The following ZBTB7C variants were observed in gnomAD, a reference collection of about 807,000 sequenced individuals.
The protein encoded by ZBTB7C is zinc finger and BTB domain containing 7C.
ZBTB7C carries 8 observed loss-of-function variants against 25.7 expected under a neutral mutation model. That is an observed-to-expected ratio of 0.31 (90% CI 0.18 to 0.56). The LOEUF is 0.56. Ranked by LOEUF, ZBTB7C falls within the 20% of genes least tolerant of loss-of-function variation. ZBTB7C has a pLI of 0.91. For missense variants in ZBTB7C, 824 were observed against 855.2 expected, an observed-to-expected ratio of 0.96 and a Z score of 0.46; for synonymous variants, 394 against 369.0, an observed-to-expected ratio of 1.07 and a Z score of -0.78.
At chr18:48,088,437 A>C (rs993058251) in intron 3 of ZBTB7C, 1 of 152,212 alleles carries the variant, frequency 6.6e-6, no homozygotes, top group African/African-American at 2.4e-5. Context: ...AAAGAAACAA[A>C]AAAACACAAC....
At chr18:48,285,312 CT>C (rs1406116502) in intron 2 of ZBTB7C, among the ~76,000 whole-genome samples, 2 of 152,190 alleles carry the variant, frequency 1.3e-5, no homozygotes, top group Non-Finnish European at 2.9e-5. Context: ...TATTTTGAGG[CT>C]ATGTTGTTAG....
At chr18:48,206,863 T>A (rs552353507) in intron 2 of ZBTB7C, among the ~76,000 whole-genome samples, 131 of 152,202 alleles carry the variant, frequency 8.6e-4, no homozygotes, top group African/African-American at 3.0e-3. Flanking sequence ...GATTGATAAA[T>A]GGAAATTTGT....
intron 3 of ZBTB7C, among the ~76,000 whole-genome samples, chr18:48,097,382 G>GTTGTTATTATTATTACTATTATTA (rs10651143): frequency 6.9e-6 from 1 of 144,968 alleles, no homozygotes; most frequent in Non-Finnish European, 1.5e-5. Flanking sequence ...TATTGTTGTT[G>GTTGTTATTATTATTACTATTATTA]TTATTATTAT....
intron 2 of ZBTB7C, among the ~76,000 whole-genome samples, chr18:48,222,830 C>T (rs1335356460): frequency 6.6e-6 from 1 of 152,134 alleles, no homozygotes; most frequent in Non-Finnish European, 1.5e-5. Context: ...CAGCCACCAG[C>T]TCTGGAAGCC....
intron 2 of ZBTB7C, among the ~76,000 whole-genome samples, chr18:48,285,585 C>T (rs1283728933): frequency 6.6e-6 from 1 of 152,184 alleles, no homozygotes; most frequent in Non-Finnish European, 1.5e-5. Flanking sequence ...CTCTTGGGCT[C>T]AAGCAATCCT....
intron 2 of ZBTB7C, among the ~76,000 whole-genome samples, chr18:48,268,245 T>C (rs1488292838): frequency 2.0e-5 from 3 of 152,216 alleles, no homozygotes; most frequent in Non-Finnish European, 4.4e-5. Flanking sequence ...TATTAATTTA[T>C]TCACTATACA....
At chr18:48,410,466 G>A (rs1442551248), upstream of ZBTB7C, among the ~76,000 whole-genome samples, 2 of 152,240 alleles carry the variant, frequency 1.3e-5, no homozygotes, top group African/African-American at 4.8e-5. Flanking sequence ...CCGTCCCGCC[G>A]GGCCCCGCCC....
chr18:48,273,312 GA>G (rs1439784801), intron 2 of ZBTB7C, among the ~76,000 whole-genome samples: 2 of 151,848 alleles, frequency 1.3e-5, no homozygotes, highest in East Asian at 3.9e-4. Context: ...AGATTTATTA[GA>G]AAACTCAGTA....
Position 48,093,107 on chromosome 18 carries a change from A to G in ZBTB7C, c.-16-51984T>C, listed in dbSNP as rs528500459. Among the ~76,000 whole-genome samples, 452 of 152,354 alleles carry G rather than the reference A, an allele frequency of 3.0e-3. 9 individuals carry two copies. The highest frequency in any genetic ancestry group is 8.5e-4 in the Non-Finnish European group (58 of 68,032). On this transcript the variant is annotated intron_variant, in intron 3 of 4. Transcript: ENST00000590800. ...TCACGATTAACAACAGAAAGCTGTGAGAGTAGAAGAGGGGAGACTGTATTA... is the reference window on the plus strand; with the variant it reads ...TCACGATTAACAACAGAAAGCTGTGGGAGTAGAAGAGGGGAGACTGTATTA...
At chr18:48,246,766 AATC>A (rs2043707252) in intron 2 of ZBTB7C, among the ~76,000 whole-genome samples, 1 of 152,048 alleles carries the variant, frequency 6.6e-6, no homozygotes, top group African/African-American at 2.4e-5. Context: ...ATGCTGGCGA[AATC>A]ATCATCAGGT....
intron 3 of ZBTB7C, among the ~76,000 whole-genome samples, chr18:48,071,049 T>C (rs2037522298): frequency 6.6e-6 from 1 of 152,252 alleles, no homozygotes; most frequent in Non-Finnish European, 1.5e-5. Context: ...TTTTCACATC[T>C]ATAGCACAAT....
At chr18:48,138,759 C>T (rs1410928337) in intron 3 of ZBTB7C, among the ~76,000 whole-genome samples, 1 of 152,226 alleles carries the variant, frequency 6.6e-6, no homozygotes, top group East Asian at 1.9e-4. Flanking sequence ...AGTCAAATCC[C>T]TTTGTCCACA....
At chr18:48,403,051 C>T (rs1392089597) in intron 1 of ZBTB7C, among the ~76,000 whole-genome samples, 2 of 152,230 alleles carry the variant, frequency 1.3e-5, no homozygotes, top group African/African-American at 2.4e-5. Context: ...GAAACCCTCC[C>T]TGCATCCATG....
At chr18:48,051,871 G>A (rs551113070) in intron 3 of ZBTB7C, among the ~76,000 whole-genome samples, 2 of 151,802 alleles carry the variant, frequency 1.3e-5, no homozygotes, top group African/African-American at 4.8e-5. Context: ...AAATCAAATG[G>A]TGCCCCTTCA....
At chr18:48,174,430 C>T (rs1366200869) in intron 3 of ZBTB7C, among the ~76,000 whole-genome samples, 1 of 152,226 alleles carries the variant, frequency 6.6e-6, no homozygotes, top group Admixed American at 6.5e-5. Flanking sequence ...AATTCCAAAA[C>T]TTGACAATAA....
At chr18:48,159,242 C>G (rs901630225) in intron 3 of ZBTB7C, among the ~76,000 whole-genome samples, 2 of 152,088 alleles carry the variant, frequency 1.3e-5, no homozygotes, top group Non-Finnish European at 2.9e-5. Flanking sequence ...TTAAGCACAC[C>G]GATCCTAGAG....
At chr18:48,057,016 C>A (rs1598795694) in intron 3 of ZBTB7C, among the ~76,000 whole-genome samples, 2 of 86,634 alleles carry the variant, frequency 2.3e-5, no homozygotes, top group Middle Eastern at 0.011. Context: ...GTCACCAAAT[C>A]AGGAAAAGAC....
In ZBTB7C at chr18:48,389,597, C is replaced by G. The variant is rs537490790; in HGVS notation, c.-304+19629G>C. Among the ~76,000 whole-genome samples the G allele has an allele frequency of 1.5e-4, 22 of 151,558 alleles. No individual in the cohort carries two copies. The South Asian group carries it at 4.6e-3, about 32-fold the overall frequency. ...TGGGCAGGATTTCTCTTGGGTGTTCCCCAGGGTATACTCATAGCCTCACCC... is the reference window on the plus strand; with the variant it reads ...TGGGCAGGATTTCTCTTGGGTGTTCGCCAGGGTATACTCATAGCCTCACCC... On this transcript the variant is annotated intron_variant, in intron 1 of 4. Transcript: ENST00000590800.
At chr18:48,278,249 AG>A (rs2044726899) in intron 2 of ZBTB7C, among the ~76,000 whole-genome samples, 1 of 152,170 alleles carries the variant, frequency 6.6e-6, no homozygotes, top group African/African-American at 2.4e-5. Context: ...CAGGAGAAAG[AG>A]GCCCCAGAGA....
Sources: allele counts gnomAD v4.1 joint callset (sites outside exome capture counted in the v4.1 genomes callset), GRCh38; gene constraint gnomAD v4.1.1; transcripts MANE v1.5; gene names NCBI Gene and HGNC (gene_info 2026-07-23, HGNC 2026-07-21).